The following ZCWPW2 variants were observed in gnomAD, a reference collection of about 807,000 sequenced individuals.
ZCWPW2 encodes zinc finger CW-type PWWP domain protein 2.
ZCWPW2 carries 45 observed loss-of-function variants against 46.6 expected under a neutral mutation model. The observed-to-expected ratio is 0.96, with a 90% CI of 0.76 to 1.24. ZCWPW2 has a LOEUF of 1.24. ZCWPW2 is among the 50% of genes most tolerant of loss of function. The pLI is 0.00. For synonymous variants in ZCWPW2, 152 were observed against 137.1 expected (o/e 1.11, Z -0.76); for missense variants, 429 against 403.9 (o/e 1.06, Z -0.53).
intron 4 of ZCWPW2, among the ~76,000 whole-genome samples, chr3:28,455,135 C>T (rs1321719556): frequency 1.3e-5 from 2 of 152,210 alleles, no homozygotes; most frequent in African/African-American, 4.8e-5. Flanking sequence ...TCTACAACCT[C>T]ACCAGCATCT....
At position 28,391,891 on chromosome 3, in the gene ZCWPW2, A is replaced by G. The variant is rs78527252; in HGVS notation, c.-14+1274A>G. On this transcript the variant is annotated intron_variant, in intron 2 of 9. Coordinates refer to ENST00000383768, the MANE Select transcript of ZCWPW2 (RefSeq NM_001040432.4). ...CCCCAGCCCCTAGAGAAAGACAGGAAGAAAGGAGCAAAGGACCCACAAAAC... is the reference window on the plus strand; with the variant it reads ...CCCCAGCCCCTAGAGAAAGACAGGAGGAAAGGAGCAAAGGACCCACAAAAC... 1.1e-3 allele frequency among the ~76,000 whole-genome samples: 165 copies of G among 152,276 alleles called. 2 individuals carry two copies. In the East Asian group the frequency reaches 0.029, roughly 26 times the overall value.
rs34669561 is a variant in ZCWPW2 at position 28,372,785 on chromosome 3, G to A, written c.-133-17713G>A. Among the ~76,000 whole-genome samples the A allele has an allele frequency of 2.2e-3, 331 of 152,072 alleles. 1 individual carries two copies. Among genetic ancestry groups the A allele is most frequent in the East Asian group, 3.5e-3 (18 of 5,164 alleles). ...CCCTCACCCCTTTCCCTACCTCTCC[G>A]TATTTAAAGTCCCCAGTGTCTATTA... On this transcript the variant is annotated intron_variant, in intron 1 of 9. Transcript: ENST00000383768.
intron 1 of ZCWPW2, among the ~76,000 whole-genome samples, chr3:28,361,099 A>T (rs1301530673): frequency 6.6e-6 from 1 of 152,172 alleles, no homozygotes; most frequent in African/African-American, 2.4e-5. Context: ...AAAATCAAAA[A>T]AAAGGTCAGA....
chr3:28,360,099 A>G lies in ZCWPW2; in HGVS notation c.-134+10896A>G, dbSNP rs148162536. Among the ~76,000 whole-genome samples the G allele has an allele frequency of 1.9e-3, 289 of 152,266 alleles. 1 individual carries two copies. Among genetic ancestry groups the G allele is most frequent in the African/African-American group, 6.2e-3 (256 of 41,578 alleles). ...TGATTATAAGAGATGCATGGGAAAG[A>G]GTGAAGGAACAGAAAATATTAATAA... On this transcript the variant is annotated intron_variant, in intron 1 of 9. Transcript: ENST00000383768.
At position 28,381,050 on chromosome 3, in the gene ZCWPW2, GTATATA is replaced by G. The variant is rs60041322; in HGVS notation, c.-133-9423_-133-9418del. ...GTATATATATATATATATATTTGGT[GTATATA>G]TATATATATATATATATATATATAC... On this transcript the variant is annotated intron_variant, in intron 1 of 9. Coordinates refer to ENST00000383768, the MANE Select transcript of ZCWPW2 (RefSeq NM_001040432.4). Among the ~76,000 whole-genome samples the G allele has an allele frequency of 9.7e-3, 117 of 12,114 alleles. 19 individuals carry two copies. The highest frequency in any genetic ancestry group is 0.019 in the African/African-American group (69 of 3,616). 7.9% of individuals were successfully genotyped at this position (12,114 alleles called of 152,430 possible).
At chr3:28,479,465 A>G (rs1252733702) in intron 5 of ZCWPW2, among the ~76,000 whole-genome samples, 1 of 152,178 alleles carries the variant, frequency 6.6e-6, no homozygotes, top group African/African-American at 2.4e-5. Flanking sequence ...ATACTATGGT[A>G]TATAGTTAGC....
chr3:28,348,953 T>C lies in ZCWPW2; in HGVS notation c.-384T>C, dbSNP rs1371445466. The C allele has an allele frequency of 1.0e-6, 1 of 984,536 alleles. No individual in the cohort carries two copies. Among genetic ancestry groups the C allele is most frequent in the African/African-American group, 1.8e-5 (1 of 56,946 alleles). 61.0% of individuals were successfully genotyped at this position (984,536 alleles called of 1,614,324 possible). Reference sequence around the variant, plus strand: ...GAGGGAGGGGAAGCACTCCGGAAAGTGATTGGAAGTGTGGATGAGCTCTCA... The same window carrying C: ...GAGGGAGGGGAAGCACTCCGGAAAGCGATTGGAAGTGTGGATGAGCTCTCA... On this transcript the variant is annotated 5_prime_UTR_variant, in exon 1 of 10. Coordinates refer to ENST00000383768, the MANE Select transcript of ZCWPW2 (RefSeq NM_001040432.4).
At chr3:28,423,672 AG>A (rs1696890293) in intron 3 of ZCWPW2, among the ~76,000 whole-genome samples, 1 of 151,808 alleles carries the variant, frequency 6.6e-6, no homozygotes, top group African/African-American at 2.4e-5. Context: ...GGCCCCTGTG[AG>A]CTTTTATCCT....
chr3:28,508,184 A>G (rs1173883106), intron 6 of ZCWPW2, among the ~76,000 whole-genome samples: 1 of 152,114 alleles, frequency 6.6e-6, no homozygotes, highest in East Asian at 1.9e-4. Context: ...AAAGGAGGGC[A>G]TTGATCCATT....
chr3:28,484,187 G>A (rs992377469), intron 5 of ZCWPW2, among the ~76,000 whole-genome samples: 2 of 150,484 alleles, frequency 1.3e-5, no homozygotes, highest in East Asian at 1.9e-4. Flanking sequence ...TTTTTCATAC[G>A]CTTTTCTGTG....
chr3:28,515,149 G>A (rs11927699), intron 7 of ZCWPW2, among the ~76,000 whole-genome samples: 4,218 of 152,170 alleles, frequency 0.028, 184 homozygotes, highest in African/African-American at 0.094. Flanking sequence ...ATAGAATTGT[G>A]GAAACAGTAT....
chr3:28,509,913 C>G (rs1199280213), intron 6 of ZCWPW2, among the ~76,000 whole-genome samples: 1 of 152,040 alleles, frequency 6.6e-6, no homozygotes. Context: ...TAAAGATTTG[C>G]TCCTGTGTTT....
chr3:28,478,273 T>A (rs913822134), intron 4 of ZCWPW2: 1 of 301,648 alleles, frequency 3.3e-6, no homozygotes, highest in Non-Finnish European at 6.8e-6. Flanking sequence ...AGACAGAGTC[T>A]TACTCTCTCA....
At position 28,365,853 on chromosome 3, in the gene ZCWPW2, G is replaced by C. The variant is rs1705103600; in HGVS notation, c.-134+16650G>C. Among the ~76,000 whole-genome samples the C allele has an allele frequency of 1.4e-5, 2 of 140,894 alleles. 1 individual carries two copies. The highest frequency in any genetic ancestry group is 1.5e-4 in the Admixed American group (2 of 13,172). 92.4% of individuals were successfully genotyped at this position (140,894 alleles called of 152,430 possible). On this transcript the variant is annotated intron_variant, in intron 1 of 9. Coordinates refer to ENST00000383768, the MANE Select transcript of ZCWPW2 (RefSeq NM_001040432.4). ...AGTGGTTTGTAGTTTTCCTTGAAGA[G>C]GTCCTTCATCTCCCGTGTAAGTTGG...
chr3:28,435,248 A>G lies in ZCWPW2; in HGVS notation c.471A>G (p.Gly157=). The part of the protein sequence containing the change: ...SRSWIKATFV[G]HYSITLKPEK... ...CATGGATAAAGGCAACATTCGTTGGACATTATAGTATCACATTAAAGGTAG... is the reference window on the plus strand; with the variant it reads ...CATGGATAAAGGCAACATTCGTTGGGCATTATAGTATCACATTAAAGGTAG... Residue 157 remains glycine (G), a synonymous_variant, in exon 4 of 10, where the codon GGA becomes GGG. Transcript: ENST00000383768. The G allele has an allele frequency of 1.2e-6, 2 of 1,612,394 alleles. No individual in the cohort carries two copies. The highest frequency in any genetic ancestry group is 3.4e-5 in the Admixed American group (2 of 59,454).
intron 8 of ZCWPW2, among the ~76,000 whole-genome samples, chr3:28,518,246 C>T (rs1451032916): frequency 3.4e-5 from 5 of 147,712 alleles, no homozygotes; most frequent in South Asian, 2.1e-4. Context: ...ATGGAGTGGC[C>T]GTAATGCTAC....
chr3:28,435,066 T>G (rs1697426095), intron 3 of ZCWPW2, 44 bp from the exon 4 acceptor site: 2 of 1,595,852 alleles, frequency 1.3e-6, no homozygotes, highest in Admixed American at 3.7e-5. Context: ...GATGTCTACC[T>G]TTTTAAAAGC....
At chr3:28,429,781 G>A (rs1227413206) in intron 3 of ZCWPW2, among the ~76,000 whole-genome samples, 1 of 152,138 alleles carries the variant, frequency 6.6e-6, no homozygotes, top group East Asian at 1.9e-4. Flanking sequence ...GGCTAAAAGG[G>A]GTCAAATGCA....
At chr3:28,416,794 T>C (rs1466969889) in intron 3 of ZCWPW2, among the ~76,000 whole-genome samples, 1 of 100,004 alleles carries the variant, frequency 1.0e-5, no homozygotes, top group African/African-American at 4.0e-5. Context: ...CTGTCTTTGG[T>C]TCTGTTTATA....
Sources: allele counts gnomAD v4.1 joint callset (sites outside exome capture counted in the v4.1 genomes callset), GRCh38; gene constraint gnomAD v4.1.1; transcripts MANE v1.5; gene names NCBI Gene and HGNC (gene_info 2026-07-23, HGNC 2026-07-21).